Variants in LYZL1 observed in about 807,000 individuals in gnomAD.
The protein encoded by LYZL1 is lysozyme like 1, also known as lysozyme-like protein 1.
In LYZL1, 16 loss-of-function variants were observed where a neutral mutation model predicts 17.9. That is an observed-to-expected ratio of 0.90 (90% CI 0.61 to 1.36). The LOEUF (loss-of-function observed/expected upper bound fraction) is 1.36. Among genes scored for constraint, LYZL1 ranks in the 40% most tolerant of loss-of-function variants. The pLI is 0.00. For missense variants in LYZL1, 149 were observed against 188.4 expected (o/e 0.79, Z 1.22); for synonymous variants, 58 against 71.8 (o/e 0.81, Z 0.97).
chr10:29,305,282 AT>A (rs1835575095), intron 3 of LYZL1, among the ~76,000 whole-genome samples: 2 of 152,262 alleles, frequency 1.3e-5, no homozygotes, highest in African/African-American at 4.8e-5. Flanking sequence ...CTCATAGATA[AT>A]TACTTGAAAA....
chr10:29,289,779 CAG>C (rs1487038900), intron 1 of LYZL1, among the ~76,000 whole-genome samples: 9 of 152,156 alleles, frequency 5.9e-5, no homozygotes, highest in African/African-American at 1.9e-4. Flanking sequence ...GTGCTGTACA[CAG>C]CGGACTGGCA....
chr10:29,311,705 C>T (rs559837780), downstream of LYZL1, among the ~76,000 whole-genome samples: 5 of 152,288 alleles, frequency 3.3e-5, no homozygotes, highest in South Asian at 2.1e-4. Flanking sequence ...TCACCAGGCA[C>T]GGTGGCTCAC....
chr10:29,292,780 G>A, intron 3 of LYZL1, 103 bp downstream of exon 3: 1 of 1,509,098 alleles, frequency 6.6e-7, no homozygotes, highest in Non-Finnish European at 8.9e-7. Flanking sequence ...TTGGAGTTCA[G>A]GCTTGCAAAT....
intron 3 of LYZL1, among the ~76,000 whole-genome samples, chr10:29,306,401 TTAGC>T (rs1167140615): frequency 1.1e-4 from 16 of 146,936 alleles, no homozygotes; most frequent in African/African-American, 3.0e-4. Flanking sequence ...ATACAAAAAA[TTAGC>T]CGGGCGTAGT....
At chr10:29,293,127 C>CTTTTCTTTTTTTTTTTTTTTTT (rs1835397932) in intron 3 of LYZL1, among the ~76,000 whole-genome samples, 1 of 104,198 alleles carries the variant, frequency 9.6e-6, no homozygotes, top group Non-Finnish European at 2.0e-5. Context: ...CTTTTCTTTT[C>CTTTTCTTTTTTTTTTTTTTTTT]TTTTTTCTTT....
chr10:29,299,134 A>G (rs200823224), intron 3 of LYZL1, among the ~76,000 whole-genome samples: 61 of 152,288 alleles, frequency 4.0e-4, no homozygotes, highest in Admixed American at 1.2e-3. Context: ...TGAGAATCTA[A>G]TGCTGCCACT....
At chr10:29,303,362 T>A (rs1835547321) in intron 3 of LYZL1, among the ~76,000 whole-genome samples, 2 of 152,204 alleles carry the variant, frequency 1.3e-5, no homozygotes. Context: ...CAGGGTTCAC[T>A]GTGTTTTTCT....
downstream of LYZL1, chr10:29,311,303 C>G: frequency 1.6e-6 from 2 of 1,279,886 alleles, no homozygotes; most frequent in Middle Eastern, 3.0e-4. Context: ...AATGCTCTAG[C>G]CTTGGAAAAA....
At chr10:29,293,570 A>T (rs907984865) in intron 3 of LYZL1, among the ~76,000 whole-genome samples, 3 of 152,110 alleles carry the variant, frequency 2.0e-5, no homozygotes, top group African/African-American at 4.8e-5. Context: ...GCTTTACCGA[A>T]CTTTCATGTG....
downstream of LYZL1, among the ~76,000 whole-genome samples, chr10:29,314,089 G>A (rs1835702799): frequency 6.6e-6 from 1 of 152,092 alleles, no homozygotes; most frequent in Admixed American, 6.5e-5. Flanking sequence ...CCCCTCAGGT[G>A]TCCTTGCTCT....
chr10:29,313,909 G>C (rs1011529739), downstream of LYZL1, among the ~76,000 whole-genome samples: 3 of 152,170 alleles, frequency 2.0e-5, no homozygotes, highest in African/African-American at 7.2e-5. Context: ...GCTTATGTGG[G>C]TACATTCTTT....
chr10:29,310,701 G>C (rs1230020234), intron 4 of LYZL1, among the ~76,000 whole-genome samples: 1 of 152,192 alleles, frequency 6.6e-6, no homozygotes, highest in African/African-American at 2.4e-5. Flanking sequence ...AACGTTGCCA[G>C]CCGGCCCCAC....
intron 3 of LYZL1, among the ~76,000 whole-genome samples, chr10:29,298,090 C>G (rs1372747054): frequency 6.6e-6 from 1 of 152,096 alleles, no homozygotes; most frequent in Non-Finnish European, 1.5e-5. Flanking sequence ...GAAGACAGAA[C>G]AAACACAAAC....
At chr10:29,315,022 C>T (rs1835713701), downstream of LYZL1, among the ~76,000 whole-genome samples, 1 of 152,106 alleles carries the variant, frequency 6.6e-6, no homozygotes, top group Non-Finnish European at 1.5e-5. Flanking sequence ...CCTAAGCCAG[C>T]CCCTGAAAGA....
intron 3 of LYZL1, among the ~76,000 whole-genome samples, chr10:29,296,169 G>A (rs1426477695): frequency 6.6e-6 from 1 of 152,060 alleles, no homozygotes; most frequent in East Asian, 1.9e-4. Flanking sequence ...ATACCAAAGG[G>A]ATTCGAGAAT....
Position 29,310,040 on chromosome 10 carries a change from TA to T in LYZL1, c.299-67del, listed in dbSNP as rs1191641017. On this transcript the variant is annotated intron_variant, in intron 3 of 4. Transcript: ENST00000649382. Reference sequence around the variant, plus strand: ...TCCAAAAAGACTGAGAAAAGTGAAGTAAAGTTGAGTTGAGGTCCCTCTCCAA... The same window carrying T: ...TCCAAAAAGACTGAGAAAAGTGAAGTAAGTTGAGTTGAGGTCCCTCTCCAA... 52 of 1,093,480 alleles carry T rather than the reference TA, an allele frequency of 4.8e-5. No homozygotes were observed. The East Asian group carries it at 1.0e-3, about 21-fold the overall frequency. The allele number at this position is 1,093,480 out of a possible 1,614,324, so 67.7% of individuals were successfully genotyped here. A position where few individuals can be genotyped will look rare whatever the true frequency, so the allele number is the denominator to read the frequency against.
In LYZL1 at chr10:29,292,557, A is replaced by G; in HGVS notation, c.178A>G (p.Thr60Ala). 1 of 1,614,220 alleles carries G rather than the reference A, an allele frequency of 6.2e-7. No homozygotes were observed. The highest frequency in any genetic ancestry group is 1.3e-5 in the African/African-American group (1 of 75,048). ...ATATTATGAGAGCGGCTACAACACC[A>G]CAGCCCAGACGGTCCTGGATGACGG... ...MAYYESGYNT[T>A]AQTVLDDGSI... Residue 60 changes from threonine (T) to alanine (A), a missense_variant, in exon 3 of 5, where the codon ACA becomes GCA. By Grantham distance (58) the Thr-to-Ala change is moderately conservative (BLOSUM62 0). This residue lies in a region of LYZL1 where 130 missense variants were observed against 132.5 expected (regional missense o/e 0.98). Coordinates refer to ENST00000649382, the MANE Select transcript of LYZL1 (RefSeq NM_032517.6).
rs1375097837 is a variant in LYZL1 at position 29,306,523 on chromosome 10, C to T, written c.299-3587C>T. ...CGAGATCCCGCCACTGCACTCCAGCCTGGGCGACAGAGCGAGACTCCGTCT... is the reference window on the plus strand; with the variant it reads ...CGAGATCCCGCCACTGCACTCCAGCTTGGGCGACAGAGCGAGACTCCGTCT... On this transcript the variant is annotated intron_variant, in intron 3 of 4. Transcript: ENST00000649382. Among the ~76,000 whole-genome samples, 10 of 112,364 alleles carry T rather than the reference C, an allele frequency of 8.9e-5. No homozygotes were observed. The Admixed American group carries it at 9.4e-4, about 11-fold the overall frequency. The allele number at this position is 112,364 out of a possible 152,430, so 73.7% of individuals were successfully genotyped here.
chr10:29,294,306 T>C (rs941183135), intron 3 of LYZL1, among the ~76,000 whole-genome samples: 5 of 152,188 alleles, frequency 3.3e-5, no homozygotes, highest in Non-Finnish European at 7.3e-5. Context: ...AGAGGTCAGT[T>C]AATTAAGCAT....
Sources: gnomAD v4.1 joint callset for allele counts (sites outside exome capture counted in the v4.1 genomes callset) on GRCh38, gnomAD v4.1.1 for gene constraint, gnomAD v4.1.1 regional missense constraint, MANE v1.5 for transcripts, NCBI Gene and HGNC (gene_info 2026-07-23, HGNC 2026-07-21) for gene names.